Variants in CSMD1 observed in about 807,000 individuals in gnomAD.
CSMD1 encodes CUB and sushi domain-containing protein 1.
Under a neutral mutation model 417.5 loss-of-function variants are expected in CSMD1, and 213 were observed. The observed-to-expected ratio is 0.51, with a 90% CI of 0.46 to 0.57. The LOEUF is 0.57. CSMD1 is among the 20% of genes least tolerant of loss of function. The probability of loss-of-function intolerance (pLI) is 0.00; values close to 1 mark genes in which losing one functional copy is unlikely to be tolerated. For synonymous variants in CSMD1, 2,862 were observed against 1,736.8 expected (o/e 1.65, Z -16.11); for missense variants, 6,923 against 4,529.7 (o/e 1.53, Z -15.17).
At chr8:4,221,421 G>C (rs1212038686) in intron 3 of CSMD1, among the ~76,000 whole-genome samples, 2 of 151,326 alleles carry the variant, frequency 1.3e-5, no homozygotes, top group African/African-American at 4.9e-5. Flanking sequence ...CAAAACTTGA[G>C]AAGCTACTGG....
At chr8:4,723,493 C>T (rs907944970) in intron 1 of CSMD1, among the ~76,000 whole-genome samples, 3 of 152,110 alleles carry the variant, frequency 2.0e-5, no homozygotes, top group South Asian at 2.1e-4. Flanking sequence ...CCTGACAACA[C>T]GTCCATTTTG....
At chr8:3,472,505 G>A (rs936874530) in intron 11 of CSMD1, among the ~76,000 whole-genome samples, 1 of 152,018 alleles carries the variant, frequency 6.6e-6, no homozygotes, top group Non-Finnish European at 1.5e-5. Context: ...ACTCCAACTT[G>A]AGATCAATCC....
chr8:3,593,052 G>GT (rs962410808), intron 8 of CSMD1, among the ~76,000 whole-genome samples: 3 of 152,136 alleles, frequency 2.0e-5, no homozygotes, highest in African/African-American at 7.2e-5. Context: ...AGCCCTGGCT[G>GT]GGGGGTCCTG....
chr8:4,456,660 A>T (rs1367305938), intron 2 of CSMD1, among the ~76,000 whole-genome samples: 1 of 152,118 alleles, frequency 6.6e-6, no homozygotes, highest in Non-Finnish European at 1.5e-5. Flanking sequence ...AGACCCTCCA[A>T]CCAATCATCT....
chr8:3,136,120 C>A (rs1818068053), intron 41 of CSMD1, among the ~76,000 whole-genome samples: 3 of 152,244 alleles, frequency 2.0e-5, no homozygotes, highest in African/African-American at 7.2e-5. Flanking sequence ...TTACATCTAG[C>A]CACTAATTGA....
At chr8:4,289,718 G>C (rs1429915489) in intron 3 of CSMD1, among the ~76,000 whole-genome samples, 1 of 152,190 alleles carries the variant, frequency 6.6e-6, no homozygotes. Context: ...CAGCTACTGA[G>C]ATTTTGCTAC....
Position 3,408,233 on chromosome 8 carries a change from G to A in CSMD1, c.1745-8C>T, listed in dbSNP as rs746229480. On this transcript the variant is annotated splice_region_variant and splice_polypyrimidine_tract_variant and intron_variant, in intron 13 of 69. Coordinates refer to ENST00000635120, the MANE Select transcript of CSMD1 (RefSeq NM_033225.6). ...AGTTGAAGAAACATGAAACTGTGAA[G>A]ATGCAAATATATTTTCAAACAGTTA... The A allele has an allele frequency of 6.3e-7, 1 of 1,577,572 alleles. No individual in the cohort carries two copies. The highest frequency in any genetic ancestry group is 1.1e-5 in the South Asian group (1 of 87,158).
intron 12 of CSMD1, 102 bp from the exon 13 acceptor site, chr8:3,409,707 T>C (rs995482397): frequency 2.3e-6 from 2 of 860,362 alleles, no homozygotes; most frequent in African/African-American, 1.7e-5. Context: ...TTTGCTGAAC[T>C]AAACATCATT....
At chr8:3,011,932 G>C (rs529698067) in intron 52 of CSMD1, among the ~76,000 whole-genome samples, 1 of 152,286 alleles carries the variant, frequency 6.6e-6, no homozygotes, top group Admixed American at 6.5e-5. Flanking sequence ...CAAACTTCCT[G>C]GGTGGATTAG....
chr8:2,974,442 G>T lies in CSMD1; in HGVS notation c.8740+9C>A. On this transcript the variant is annotated intron_variant, in intron 56 of 69. Transcript: ENST00000635120. ...TGTAATTCTGTCAGTTCACTCGTAA[G>T]CCCCTCACCTGTGCAGTGGGGCAGT... 1 of 1,551,718 alleles carries T rather than the reference G, an allele frequency of 6.4e-7. No homozygotes were observed. Among genetic ancestry groups the T allele is most frequent in the Non-Finnish European group, 8.7e-7 (1 of 1,145,218 alleles).
At chr8:3,300,735 T>A (rs959195870) in intron 25 of CSMD1, among the ~76,000 whole-genome samples, 1 of 151,804 alleles carries the variant, frequency 6.6e-6, no homozygotes, top group Admixed American at 6.6e-5. Flanking sequence ...GGCGGGCAGA[T>A]CATTGGAGGT....
intron 3 of CSMD1, among the ~76,000 whole-genome samples, chr8:4,077,137 A>T (rs867878158): frequency 1.3e-5 from 2 of 151,712 alleles, no homozygotes; most frequent in South Asian, 4.2e-4. Context: ...TGAAGTCAAG[A>T]AAGTTAAATG....
At chr8:3,515,054 C>G (rs557883216) in intron 10 of CSMD1, among the ~76,000 whole-genome samples, 1 of 152,132 alleles carries the variant, frequency 6.6e-6, no homozygotes, top group Non-Finnish European at 1.5e-5. Context: ...TATTCGACAT[C>G]TAACTTTTCA....
chr8:2,998,065 G>A lies in CSMD1; in HGVS notation c.8323C>T (p.Arg2775Ter), dbSNP rs368660845. ...TGGCCGTTGCTCCGACACTGGGCTC[G>A]AGACACGCCCTGCAGCAAATAGCCC... ...NTGYLLQGVS[R>*]AQCRSNGQWS... is the part of the protein sequence containing the mutation. The change falls in exon 54 of 70, where the codon CGA becomes TGA. Residue 2775 changes from arginine to a stop codon, truncating the protein, a stop_gained. Transcript: ENST00000635120. LOFTEE classifies it high-confidence loss of function. 2.5e-6 allele frequency: 4 copies of A among 1,613,980 alleles called. No homozygotes were observed. The highest frequency in any genetic ancestry group is 3.4e-6 in the Non-Finnish European group (4 of 1,179,876).
intron 1 of CSMD1, among the ~76,000 whole-genome samples, chr8:4,786,573 T>C (rs1430014340): frequency 6.6e-6 from 1 of 152,206 alleles, no homozygotes; most frequent in Non-Finnish European, 1.5e-5. Context: ...GCATTTAAAA[T>C]ACAGCAGTGT....
intron 12 of CSMD1, among the ~76,000 whole-genome samples, chr8:3,443,000 T>C (rs567141075): frequency 6.6e-6 from 1 of 152,202 alleles, no homozygotes; most frequent in Non-Finnish European, 1.5e-5. Context: ...CCTCTTTCTA[T>C]AGGAACTTGC....
At chr8:4,186,680 T>C (rs1798696591) in intron 3 of CSMD1, among the ~76,000 whole-genome samples, 1 of 152,086 alleles carries the variant, frequency 6.6e-6, no homozygotes, top group African/African-American at 2.4e-5. Context: ...ATATTTGTTT[T>C]CTATTAAGAC....
At chr8:4,903,009 T>TAATAAATA (rs3038343) in intron 1 of CSMD1, among the ~76,000 whole-genome samples, 1 of 144,414 alleles carries the variant, frequency 6.9e-6, no homozygotes, top group African/African-American at 2.6e-5. Context: ...ATAATATTAA[T>TAATAAATA]AATAAATAAA....
At chr8:3,829,484 TC>T (rs1721017402) in intron 5 of CSMD1, among the ~76,000 whole-genome samples, 2 of 152,268 alleles carry the variant, frequency 1.3e-5, no homozygotes, top group South Asian at 4.1e-4. Context: ...ACCCTGCTGT[TC>T]TTGAGTATTT....
Sources: allele counts gnomAD v4.1 joint callset (sites outside exome capture counted in the v4.1 genomes callset), GRCh38; gene constraint gnomAD v4.1.1; transcripts MANE v1.5; gene names NCBI Gene and HGNC (gene_info 2026-07-23, HGNC 2026-07-21).